Variants in CPNE8 observed in about 807,000 individuals in gnomAD.
CPNE8 encodes the protein copine 8, also known as copine-8.
Under a neutral mutation model 81.5 loss-of-function variants are expected in CPNE8, and 45 were observed. The ratio of observed to expected loss-of-function variants is 0.55; its 90% CI spans 0.44 to 0.71. CPNE8 has a LOEUF of 0.71. Ranked by LOEUF, CPNE8 falls within the 30% of genes least tolerant of loss-of-function variation. The pLI, the probability that CPNE8 is intolerant of heterozygous loss-of-function variation, is 0.00. For missense variants in CPNE8, 594 were observed against 672.1 expected (o/e 0.88, Z 1.28); for synonymous variants, 252 against 226.3 (o/e 1.11, Z -1.02).
At position 38,902,362 on chromosome 12, in the gene CPNE8, A is replaced by AAAGAAAG. The variant is rs1287074786; in HGVS notation, c.98+3074_98+3075insCTTTCTT. Among the ~76,000 whole-genome samples the AAAGAAAG allele has an allele frequency of 2.7e-3, 255 of 95,276 alleles. 5 individuals are homozygous for AAAGAAAG. The highest frequency in any genetic ancestry group is 0.012 in the East Asian group (41 of 3,304). 62.5% of individuals were successfully genotyped at this position (95,276 alleles called of 152,430 possible). ...AAAGAAAGAAAGAAAGAAAGAAAGAAAGAAAGAAAGAAAGAAAGAAAAGAA... is the reference window on the plus strand; with the variant it reads ...AAAGAAAGAAAGAAAGAAAGAAAGAAAAGAAAGAGAAAGAAAGAAAGAAAGAAAAGAA... On this transcript the variant is annotated intron_variant, in intron 1 of 19. Coordinates refer to ENST00000331366, the MANE Select transcript of CPNE8 (RefSeq NM_153634.3).
At chr12:38,686,177 C>T (rs1300940764) in intron 15 of CPNE8, among the ~76,000 whole-genome samples, 2 of 151,974 alleles carry the variant, frequency 1.3e-5, no homozygotes, top group Non-Finnish European at 2.9e-5. Context: ...GCCACATGAA[C>T]ATTTTCAGGC....
At chr12:38,728,247 C>T (rs1940749144) in intron 11 of CPNE8, among the ~76,000 whole-genome samples, 1 of 152,092 alleles carries the variant, frequency 6.6e-6, no homozygotes, top group African/African-American at 2.4e-5. Context: ...GAAATTGTCC[C>T]TGGGGACTTG....
At chr12:38,676,284 C>T (rs1051240493) in intron 17 of CPNE8, 4 of 983,896 alleles carry the variant, frequency 4.1e-6, no homozygotes, top group Non-Finnish European at 4.8e-6. Context: ...TCCAAACTCT[C>T]TGCACACATT....
intron 13 of CPNE8, among the ~76,000 whole-genome samples, chr12:38,723,241 C>G (rs7297083): frequency 0.051 from 7,721 of 152,000 alleles, 443 homozygotes; most frequent in East Asian, 0.32. Context: ...TAGTACATTA[C>G]CAACACAGGA....
chr12:38,874,447 A>C, intron 2 of CPNE8, 24 bp downstream of exon 2: 1 of 1,571,370 alleles, frequency 6.4e-7, no homozygotes, highest in Non-Finnish European at 8.7e-7. Context: ...ATGATTTTTC[A>C]AAAGGCAAGC....
intron 15 of CPNE8, among the ~76,000 whole-genome samples, chr12:38,692,314 A>C (rs73095579): frequency 7.9e-5 from 12 of 152,036 alleles, no homozygotes; most frequent in Admixed American, 5.9e-4. Flanking sequence ...AAAACAAATA[A>C]ACCAAAAAAA....
At chr12:38,656,862 C>G (rs1236966236) in intron 19 of CPNE8, among the ~76,000 whole-genome samples, 1 of 152,144 alleles carries the variant, frequency 6.6e-6, no homozygotes, top group African/African-American at 2.4e-5. Context: ...ACTGTGGGAG[C>G]CGTAAAGTAT....
chr12:38,814,208 G>A (rs1942984175), intron 6 of CPNE8, among the ~76,000 whole-genome samples: 1 of 151,390 alleles, frequency 6.6e-6, no homozygotes, highest in Non-Finnish European at 1.5e-5. Context: ...CAACTGCTTA[G>A]GAGAAGAGGA....
chr12:38,694,739 C>A (rs1939756385), intron 14 of CPNE8, among the ~76,000 whole-genome samples: 1 of 152,110 alleles, frequency 6.6e-6, no homozygotes, highest in Non-Finnish European at 1.5e-5. Context: ...GCCTGAAAGT[C>A]CATTTGGTTC....
At chr12:38,660,187 A>G (rs1208691935) in intron 19 of CPNE8, among the ~76,000 whole-genome samples, 3 of 152,210 alleles carry the variant, frequency 2.0e-5, no homozygotes, top group Non-Finnish European at 4.4e-5. Flanking sequence ...ACAAAACTGG[A>G]GGCATCCCGC....
chr12:38,780,997 A>G (rs1011574543), intron 6 of CPNE8, among the ~76,000 whole-genome samples: 5 of 152,018 alleles, frequency 3.3e-5, no homozygotes, highest in Non-Finnish European at 7.4e-5. Flanking sequence ...ACAAATACAA[A>G]TGAATATGAT....
intron 3 of CPNE8, among the ~76,000 whole-genome samples, chr12:38,869,673 T>C (rs2137098896): frequency 6.6e-6 from 1 of 152,310 alleles, no homozygotes; most frequent in African/African-American, 2.4e-5. Flanking sequence ...CTCTCTTTAA[T>C]ACTTTTCACT....
At chr12:38,894,701 C>G in intron 1 of CPNE8, among the ~76,000 whole-genome samples, 1 of 87,956 alleles carries the variant, frequency 1.1e-5, no homozygotes, top group Admixed American at 1.4e-4. Flanking sequence ...CTCTCTCTCT[C>G]TCTCTCTCTC....
intron 10 of CPNE8, among the ~76,000 whole-genome samples, chr12:38,740,570 C>CAA (rs1358394515): frequency 1.3e-5 from 2 of 152,156 alleles, no homozygotes; most frequent in Non-Finnish European, 2.9e-5. Context: ...TACGTCCCAT[C>CAA]AATACCTAAT....
At chr12:38,892,191 TG>T (rs1944322946) in intron 1 of CPNE8, among the ~76,000 whole-genome samples, 1 of 152,154 alleles carries the variant, frequency 6.6e-6, no homozygotes, top group East Asian at 1.9e-4. Context: ...CAAAGGAACG[TG>T]GGGATTAACA....
chr12:38,866,868 A>AT (rs954744896), intron 3 of CPNE8, among the ~76,000 whole-genome samples: 3 of 151,420 alleles, frequency 2.0e-5, no homozygotes, highest in African/African-American at 4.9e-5. Context: ...TTAATTGAAC[A>AT]TTTTTTTTTA....
intron 17 of CPNE8, 41 bp from the exon 18 acceptor site, chr12:38,675,815 G>A (rs746065499): frequency 1.6e-6 from 2 of 1,267,468 alleles, no homozygotes; most frequent in Middle Eastern, 1.9e-4. Context: ...TTAAGAAATT[G>A]AGTTCTTAAG....
intron 8 of CPNE8, among the ~76,000 whole-genome samples, chr12:38,766,792 CATA>C (rs1409881664): frequency 3.3e-5 from 5 of 151,800 alleles, no homozygotes; most frequent in Admixed American, 3.3e-4. Flanking sequence ...ATTAACTATA[CATA>C]ATAATAATAT....
At chr12:38,760,451 A>ATATATATATATATGTGTG (rs749406707) in intron 10 of CPNE8, among the ~76,000 whole-genome samples, 1 of 120,182 alleles carries the variant, frequency 8.3e-6, no homozygotes, top group South Asian at 2.6e-4. Flanking sequence ...ATATATATAT[A>ATATATATATATATGTGTG]TGTGTGTGTA....
Sources: gnomAD v4.1 joint callset for allele counts (sites outside exome capture counted in the v4.1 genomes callset) on GRCh38, gnomAD v4.1.1 for gene constraint, MANE v1.5 for transcripts, NCBI Gene and HGNC (gene_info 2026-07-23, HGNC 2026-07-21) for gene names.